The following SLC22A17 variants were observed in gnomAD, a reference collection of about 807,000 sequenced individuals.
SLC22A17 encodes 24p3 receptor.
In SLC22A17, 38 loss-of-function variants were observed where a neutral mutation model predicts 53.6. That is an observed-to-expected ratio of 0.71 (90% confidence interval 0.55 to 0.93). SLC22A17 has a LOEUF of 0.93. Among genes scored for constraint, SLC22A17 ranks in the 40% least tolerant of loss-of-function variants. The probability of loss-of-function intolerance (pLI) is 0.00; values close to 1 mark genes in which losing one functional copy is unlikely to be tolerated. For missense variants in SLC22A17, 704 were observed against 791.0 expected (o/e 0.89, Z 1.32); for synonymous variants, 379 against 353.0 (o/e 1.07, Z -0.82).
At position 23,347,458 on chromosome 14, in the gene SLC22A17, A is replaced by T; in HGVS notation, c.1549+2T>A. ...AGAAATGGCTGTGCCTGTCTGAAGC[A>T]CCTCTGTTGGGGTTCCCTTGTTGAG... On this transcript the variant is annotated splice_donor_variant, in intron 8 of 9. Transcript: ENST00000397267. LOFTEE classifies it high-confidence loss of function. The surrounding 1 kb of genome is among the most constrained non-coding windows in gnomAD (Gnocchi z 5.1). The T allele has an allele frequency of 1.2e-6, 2 of 1,612,442 alleles. No homozygotes were observed. Among genetic ancestry groups the T allele is most frequent in the Non-Finnish European group, 1.7e-6 (2 of 1,178,948 alleles).
Position 23,347,175 on chromosome 14 carries a change from AAG to A in SLC22A17, c.1585_1586del (p.Leu529TrpfsTer18). Reference sequence around the variant, plus strand: ...CGGCAGCTTGGGAGGAGAAGAGCCCAAGGACAGAGAAAGTGGTGATGGCAGCC... The same window carrying A: ...CGGCAGCTTGGGAGGAGAAGAGCCCAGACAGAGAAAGTGGTGATGGCAGCC... On this transcript the variant is annotated frameshift_variant, in exon 9 of 10. Coordinates refer to ENST00000397267, the Ensembl canonical transcript of SLC22A17. LOFTEE classifies it high-confidence loss of function. This position sits in a 1 kb window ranked among gnomAD's most constrained non-coding sequence, Gnocchi z 5.1. The A allele has an allele frequency of 6.2e-7, 1 of 1,613,982 alleles. No individual in the cohort carries two copies. Among genetic ancestry groups the A allele is most frequent in the Non-Finnish European group, 8.5e-7 (1 of 1,179,984 alleles).
Position 23,347,263 on chromosome 14 carries a change from G to A in SLC22A17, c.1550-51C>T. ...AATGCAGGTGGGGAGGTCAAGGCTGGCCTAGTCCCGGGTGTCATCCCCTTG... is the reference window on the plus strand; with the variant it reads ...AATGCAGGTGGGGAGGTCAAGGCTGACCTAGTCCCGGGTGTCATCCCCTTG... On this transcript the variant is annotated intron_variant, in intron 8 of 9. Coordinates refer to ENST00000397267, the Ensembl canonical transcript of SLC22A17. This position sits in a 1 kb window ranked among gnomAD's most constrained non-coding sequence, Gnocchi z 5.1. The A allele has an allele frequency of 1.9e-6, 3 of 1,543,060 alleles. No homozygotes were observed. Among genetic ancestry groups the A allele is most frequent in the Non-Finnish European group, 2.7e-6 (3 of 1,131,494 alleles).
rs1213173733 is a variant in SLC22A17 at position 23,351,524 on chromosome 14, C to CT, written c.704+227dup. 59 of 522,414 alleles carry CT rather than the reference C, an allele frequency of 1.1e-4. No individual in the cohort carries two copies. In the Middle Eastern group the frequency reaches 1.5e-3, roughly 13 times the overall value. 32.4% of individuals were successfully genotyped at this position (522,414 alleles called of 1,614,324 possible). A position where few individuals can be genotyped will look rare whatever the true frequency, so the allele number is the denominator to read the frequency against. The stretch of plus-strand genomic sequence containing the variant: ...GGGCCACTAATTAGTGGGAATGGGA[C>CT]TAATAGTCCATAGAGGTCGAGTCAT... On this transcript the variant is annotated intron_variant, in intron 3 of 9. Transcript: ENST00000397267.
chr14:23,347,106 A>G lies in SLC22A17; in HGVS notation c.1656T>C (p.Thr552=), dbSNP rs752444406. ...GGGGGCACCCCTGCTCTCACCGGAC[A>G]GTGGTGGGGATGACCTCAGCAGCAA... Residue 552 remains threonine (T), a synonymous_variant, in exon 9 of 10, where the codon ACT becomes ACC. Transcript: ENST00000397267. This position sits in a 1 kb window ranked among gnomAD's most constrained non-coding sequence, Gnocchi z 5.1. The G allele has an allele frequency of 1.2e-6, 2 of 1,612,512 alleles. No homozygotes were observed. The highest frequency in any genetic ancestry group is 1.7e-5 in the Admixed American group (1 of 59,892).
exon 10 of SLC22A17, chr14:23,346,809 A>T: frequency 6.5e-7 from 1 of 1,542,208 alleles, no homozygotes; most frequent in Non-Finnish European, 8.7e-7. Flanking sequence ...CTGAGAATGC[A>T]GAGGAGGGCG....
In SLC22A17 at chr14:23,352,856, T is replaced by C; in HGVS notation, c.-115A>G. ...GCTCGAAGAGATCCCGCTCTGCAGCTCTGCAGCCGCGGGCGCCTCCTTGGT... is the reference window on the plus strand; with the variant it reads ...GCTCGAAGAGATCCCGCTCTGCAGCCCTGCAGCCGCGGGCGCCTCCTTGGT... On this transcript the variant is annotated 5_prime_UTR_variant, in exon 1 of 10. Coordinates refer to ENST00000397267, the Ensembl canonical transcript of SLC22A17. The surrounding 1 kb of genome is among the most constrained non-coding windows in gnomAD (Gnocchi z 7.2). The C allele has an allele frequency of 2.5e-6, 1 of 397,748 alleles. No individual in the cohort carries two copies. Among genetic ancestry groups the C allele is most frequent in the Non-Finnish European group, 4.4e-6 (1 of 225,442 alleles). 24.6% of individuals were successfully genotyped at this position (397,748 alleles called of 1,614,324 possible). A position where few individuals can be genotyped will look rare whatever the true frequency, so the allele number is the denominator to read the frequency against.
chr14:23,347,630 G>A lies in SLC22A17; in HGVS notation c.1379C>T (p.Ala460Val). Residue 460 changes from alanine (A) to valine (V), a missense_variant, in exon 8 of 10, where the codon GCC (alanine) becomes GTC (valine). By Grantham distance (64) the Ala-to-Val change is moderately conservative. Coordinates refer to ENST00000397267, the Ensembl canonical transcript of SLC22A17. This position sits in a 1 kb window ranked among gnomAD's most constrained non-coding sequence, Gnocchi z 5.1. ...GACCCCCAGGAAGACACAGGCCAGG[G>A]CTGCGGTGCCGCTGGCCAGCAGAGA... 2 of 1,613,994 alleles carry A rather than the reference G, an allele frequency of 1.2e-6. No individual in the cohort carries two copies. Among genetic ancestry groups the A allele is most frequent in the Admixed American group, 1.7e-5 (1 of 60,024 alleles).
Position 23,347,409 on chromosome 14 carries a change from T to G in SLC22A17, c.1549+51A>C. The G allele has an allele frequency of 1.3e-6, 2 of 1,590,284 alleles. No individual in the cohort carries two copies. The highest frequency in any genetic ancestry group is 1.7e-6 in the Non-Finnish European group (2 of 1,167,822). ...GGAAGAGCTGGGCAGGGTCTGGGGC[T>G]TGTCTTGGGAGGCCTGTGCCAGAAG... On this transcript the variant is annotated intron_variant, in intron 8 of 9. Coordinates refer to ENST00000397267, the Ensembl canonical transcript of SLC22A17. This position sits in a 1 kb window ranked among gnomAD's most constrained non-coding sequence, Gnocchi z 5.1.
At chr14:23,350,482 T>C (rs1223431105) in intron 3 of SLC22A17, among the ~76,000 whole-genome samples, 10 of 152,100 alleles carry the variant, frequency 6.6e-5, no homozygotes, top group Admixed American at 6.5e-4. Context: ...TGGTAAGTGA[T>C]TATGGTCACT....
At position 23,352,482 on chromosome 14, in the gene SLC22A17, G is replaced by C; in HGVS notation, c.97-31C>G. 1 of 435,570 alleles carries C rather than the reference G, an allele frequency of 2.3e-6. No homozygotes were observed. Among genetic ancestry groups the C allele is most frequent in the Non-Finnish European group, 4.0e-6 (1 of 250,256 alleles). 27.0% of individuals were successfully genotyped at this position (435,570 alleles called of 1,614,324 possible). A position where few individuals can be genotyped will look rare whatever the true frequency, so the allele number is the denominator to read the frequency against. The stretch of plus-strand genomic sequence containing the variant: ...GGGGGGCAGGGGGTGGCAGGAGAAG[G>C]GTGAAGCGGAGGAAACCGCAGAGCA... On this transcript the variant is annotated intron_variant, in intron 1 of 9. Transcript: ENST00000397267. This position sits in a 1 kb window ranked among gnomAD's most constrained non-coding sequence, Gnocchi z 7.2.
At chr14:23,349,656 C>G (rs1889499697) in intron 3 of SLC22A17, 2 of 580,972 alleles carry the variant, frequency 3.4e-6, no homozygotes, top group Non-Finnish European at 6.1e-6. Context: ...GGAACATTGA[C>G]TCTTGGGCTA....
At position 23,352,528 on chromosome 14, in the gene SLC22A17, G is replaced by C; in HGVS notation, c.97-77C>G. On this transcript the variant is annotated intron_variant, in intron 1 of 9. Transcript: ENST00000397267. This position sits in a 1 kb window ranked among gnomAD's most constrained non-coding sequence, Gnocchi z 7.2. ...GAGCAAGGGCAGGGGGCAGGTGGGAGGGAGGGCTAGGAAGGCAGTCAGGGG... is the reference window on the plus strand; with the variant it reads ...GAGCAAGGGCAGGGGGCAGGTGGGACGGAGGGCTAGGAAGGCAGTCAGGGG... 1 of 428,004 alleles carries C rather than the reference G, an allele frequency of 2.3e-6. No homozygotes were observed. 26.5% of individuals were successfully genotyped at this position (428,004 alleles called of 1,614,324 possible). A position where few individuals can be genotyped will look rare whatever the true frequency, so the allele number is the denominator to read the frequency against.
In SLC22A17 at chr14:23,348,110, A is replaced by G; in HGVS notation, c.1171+51T>C. 1 of 1,612,290 alleles carries G rather than the reference A, an allele frequency of 6.2e-7. No homozygotes were observed. Among genetic ancestry groups the G allele is most frequent in the Non-Finnish European group, 8.5e-7 (1 of 1,178,936 alleles). On this transcript the variant is annotated intron_variant, in intron 6 of 9. Transcript: ENST00000397267. This position sits in a 1 kb window ranked among gnomAD's most constrained non-coding sequence, Gnocchi z 4.5. ...GCACAGCTACAGCCATGCAGAGGGC[A>G]CCATCATGTGTGCAAGTGAGGCAAC...
Position 23,348,545 on chromosome 14 carries a change from C to T in SLC22A17, c.986G>A (p.Arg329Gln), listed in dbSNP as rs947198245. Residue 329 changes from arginine (R) to glutamine (Q), a missense_variant, in exon 5 of 10, where the codon CGA becomes CAA. Around this residue, in one of 4 missense-constraint regions of SLC22A17, gnomAD observed 435 missense variants for 529.0 expected, o/e 0.82. Transcript: ENST00000397267. The surrounding 1 kb of genome is among the most constrained non-coding windows in gnomAD (Gnocchi z 4.5). ...GAGGATGCAGGGAGCGGTGATCATT[C>T]GCTGTAGGAATCGCCAATCCTTAGA... The T allele has an allele frequency of 1.9e-6, 3 of 1,614,038 alleles. No individual in the cohort carries two copies. The highest frequency in any genetic ancestry group is 2.5e-6 in the Non-Finnish European group (3 of 1,179,984).
Position 23,347,362 on chromosome 14 carries a change from GT to G in SLC22A17, c.1549+97del. 1 of 1,519,386 alleles carries G rather than the reference GT, an allele frequency of 6.6e-7. No homozygotes were observed. Among genetic ancestry groups the G allele is most frequent in the South Asian group, 1.3e-5 (1 of 77,808 alleles). 94.1% of individuals were successfully genotyped at this position (1,519,386 alleles called of 1,614,324 possible). A position where few individuals can be genotyped will look rare whatever the true frequency, so the allele number is the denominator to read the frequency against. ...ATTGACTGGGAGAGCAGATGGGGCT[GT>G]GGGGCCAGGTGGAGGCTCGTGGAAG... On this transcript the variant is annotated intron_variant, in intron 8 of 9. Coordinates refer to ENST00000397267, the Ensembl canonical transcript of SLC22A17. The surrounding 1 kb of genome is among the most constrained non-coding windows in gnomAD (Gnocchi z 5.1).
In SLC22A17 at chr14:23,347,687, C is replaced by T; in HGVS notation, c.1322G>A (p.Gly441Glu). ...GTAGAAGTCCGATGGGCTCCCTCCT[C>T]CTCCCACAGGCTGGTAGCAGTGGCG... is the stretch of plus-strand genomic sequence containing the variant. The change falls in exon 8 of 10, where the codon GGA (glycine) becomes GAA (glutamate). Residue 441 changes from glycine to glutamate, a missense_variant. By Grantham distance (98) the Gly-to-Glu change is moderately conservative. Transcript: ENST00000397267. The surrounding 1 kb of genome is among the most constrained non-coding windows in gnomAD (Gnocchi z 5.1). 6.2e-7 allele frequency: 1 copy of T among 1,614,022 alleles called. No homozygotes were observed. The highest frequency in any genetic ancestry group is 8.5e-7 in the Non-Finnish European group (1 of 1,180,016).
chr14:23,352,703 A>C lies in SLC22A17; in HGVS notation c.39T>G (p.Asn13Lys). Residue 13 changes from asparagine to lysine, a missense_variant, in exon 1 of 10, where the codon AAT becomes AAG. Around this residue, in one of 4 missense-constraint regions of SLC22A17, gnomAD observed 42 missense variants for 28.2 expected, o/e 1.49. Coordinates refer to ENST00000397267, the Ensembl canonical transcript of SLC22A17. This position sits in a 1 kb window ranked among gnomAD's most constrained non-coding sequence, Gnocchi z 7.2. ...TGTCGATTTTGCCGCCGCCCCCGCC[A>C]TTGGGCTCGGGGGTCCCGGTGGCCA... is the stretch of plus-strand genomic sequence containing the variant. The C allele has an allele frequency of 2.5e-6, 1 of 398,800 alleles. No individual in the cohort carries two copies. Among genetic ancestry groups the C allele is most frequent in the East Asian group, 3.6e-5 (1 of 28,028 alleles). 24.7% of individuals were successfully genotyped at this position (398,800 alleles called of 1,614,324 possible).
intron 3 of SLC22A17, among the ~76,000 whole-genome samples, chr14:23,350,517 T>G (rs1889555420): frequency 6.6e-6 from 1 of 152,106 alleles, no homozygotes; most frequent in South Asian, 2.1e-4. Context: ...GAAGACATGG[T>G]TACTGATTCT....
rs772014409 is a variant in SLC22A17 at position 23,347,944 on chromosome 14, G to T, written c.1224C>A (p.Ser408=). The T allele has an allele frequency of 2.5e-6, 4 of 1,614,160 alleles. No individual in the cohort carries two copies. The highest frequency in any genetic ancestry group is 3.4e-6 in the Non-Finnish European group (4 of 1,180,014). ...TCCAGATGTTGCGGTAGTTGAGGAG[G>T]GAAGCAAAGGAAAAGGAGGATGTTG... The change falls in exon 7 of 10, where the codon TCC becomes TCA. Residue 408 remains serine, a synonymous_variant. Transcript: ENST00000397267. This position sits in a 1 kb window ranked among gnomAD's most constrained non-coding sequence, Gnocchi z 5.1.
Sources: allele counts gnomAD v4.1 joint callset (sites outside exome capture counted in the v4.1 genomes callset), GRCh38; gene constraint gnomAD v4.1.1; regional missense constraint gnomAD v4.1.1; non-coding constraint Gnocchi (gnomAD v3.1); transcripts MANE v1.5; gene names NCBI Gene and HGNC (gene_info 2026-07-23, HGNC 2026-07-21).